SORCS2: variants seen among roughly 807,000 people sequenced by gnomAD.
SORCS2 encodes sortilin related VPS10 domain containing receptor 2.
Under a neutral mutation model 141.6 loss-of-function variants are expected in SORCS2, and 100 were observed. The ratio of observed to expected loss-of-function variants is 0.71; its 90% CI spans 0.60 to 0.83. The LOEUF is 0.83. Among genes scored for constraint, SORCS2 ranks in the 40% least tolerant of loss-of-function variants. The probability of loss-of-function intolerance (pLI) is 0.00; values close to 1 mark genes in which losing one functional copy is unlikely to be tolerated. For missense variants in SORCS2, 1,646 were observed against 1,560.2 expected (o/e 1.05, Z -0.93); for synonymous variants, 789 against 676.9 (o/e 1.17, Z -2.57).
At chr4:7,265,258 C>G (rs188354797) in intron 1 of SORCS2, among the ~76,000 whole-genome samples, 2 of 152,096 alleles carry the variant, frequency 1.3e-5, no homozygotes, top group Non-Finnish European at 2.9e-5. Context: ...TTTGGGAGGC[C>G]GAGGCAGGTG....
intron 3 of SORCS2, among the ~76,000 whole-genome samples, chr4:7,621,663 A>T (rs1424886767): frequency 2.0e-5 from 3 of 152,164 alleles, no homozygotes; most frequent in Non-Finnish European, 4.4e-5. Flanking sequence ...CATATTTTTA[A>T]AACATGAAAA....
At chr4:7,393,547 T>A (rs1043104625) in intron 1 of SORCS2, among the ~76,000 whole-genome samples, 2 of 152,302 alleles carry the variant, frequency 1.3e-5, no homozygotes, top group Admixed American at 1.3e-4. Flanking sequence ...CTCTGCCGCT[T>A]GCTGAGTGTG....
intron 3 of SORCS2, among the ~76,000 whole-genome samples, chr4:7,557,123 A>C (rs1714191796): frequency 6.6e-6 from 1 of 152,192 alleles, no homozygotes; most frequent in South Asian, 2.1e-4. Context: ...CAAGGAGGGC[A>C]GTTGTTGTCA....
intron 1 of SORCS2, among the ~76,000 whole-genome samples, chr4:7,282,754 C>T (rs567659389): frequency 6.6e-6 from 1 of 152,134 alleles, no homozygotes; most frequent in Non-Finnish European, 1.5e-5. Context: ...GATAGTCTCA[C>T]CGCGAGGCTC....
At position 7,355,311 on chromosome 4, in the gene SORCS2, G is replaced by A. The variant is rs556519436; in HGVS notation, c.481-40977G>A. Among the ~76,000 whole-genome samples, 5 of 152,166 alleles carry A rather than the reference G, an allele frequency of 3.3e-5. No homozygotes were observed. The East Asian group carries it at 5.8e-4, about 18-fold the overall frequency. Reference sequence around the variant, plus strand: ...TGGCATCCCACCCCGCCCCACCATCGCACAGATCTCTCTGGCTTGAGACAA... The same window carrying A: ...TGGCATCCCACCCCGCCCCACCATCACACAGATCTCTCTGGCTTGAGACAA... On this transcript the variant is annotated intron_variant, in intron 1 of 26. Transcript: ENST00000507866.
At chr4:7,563,425 G>A (rs1177247528) in intron 3 of SORCS2, among the ~76,000 whole-genome samples, 1 of 152,144 alleles carries the variant, frequency 6.6e-6, no homozygotes, top group Admixed American at 6.5e-5. Flanking sequence ...TAGTGCAACA[G>A]CCATCTCTCT....
intron 2 of SORCS2, among the ~76,000 whole-genome samples, chr4:7,510,892 T>A (rs760981356): frequency 1.3e-5 from 2 of 152,174 alleles, no homozygotes; most frequent in Non-Finnish European, 2.9e-5. Flanking sequence ...CTTCACACTT[T>A]CCTCCTTTCT....
chr4:7,264,802 G>A (rs1714610684), intron 1 of SORCS2, among the ~76,000 whole-genome samples: 1 of 152,186 alleles, frequency 6.6e-6, no homozygotes, highest in Non-Finnish European at 1.5e-5. Flanking sequence ...CCCTGAGGGT[G>A]CAGGGGAGAT....
intron 1 of SORCS2, among the ~76,000 whole-genome samples, chr4:7,312,067 G>A (rs544069381): frequency 5.3e-5 from 8 of 152,152 alleles, no homozygotes; most frequent in South Asian, 4.2e-4. Context: ...AGTAGAGATG[G>A]AGTTTCACCA....
At chr4:7,422,769 C>A (rs984805741) in intron 2 of SORCS2, among the ~76,000 whole-genome samples, 3 of 152,190 alleles carry the variant, frequency 2.0e-5, no homozygotes, top group African/African-American at 7.2e-5. Context: ...GGTCTCCCTG[C>A]GCCTGCCCTT....
rs191379106 is a variant in SORCS2, at chr4:7,208,257, C to T, written c.480+15131C>T. On this transcript the variant is annotated intron_variant, in intron 1 of 26. Coordinates refer to ENST00000507866, the MANE Select transcript of SORCS2 (RefSeq NM_020777.3). ...GGGCAGGTGGGGGTTAGAGACCGTCCACGGGGCATGTCGGGACTGAACTCG... is the reference window on the plus strand; with the variant it reads ...GGGCAGGTGGGGGTTAGAGACCGTCTACGGGGCATGTCGGGACTGAACTCG... Among the ~76,000 whole-genome samples the T allele has an allele frequency of 4.0e-3, 607 of 152,250 alleles. 8 individuals carry two copies. The highest frequency in any genetic ancestry group is 0.014 in the African/African-American group (582 of 41,520).
intron 1 of SORCS2, among the ~76,000 whole-genome samples, chr4:7,359,952 A>G (rs1159072427): frequency 6.6e-6 from 1 of 152,198 alleles, no homozygotes; most frequent in East Asian, 1.9e-4. Flanking sequence ...GGAACCCAAC[A>G]GTAATAATAA....
intron 11 of SORCS2, among the ~76,000 whole-genome samples, chr4:7,696,367 A>G (rs1453523728): frequency 1.3e-5 from 2 of 152,142 alleles, no homozygotes; most frequent in Non-Finnish European, 2.9e-5. Flanking sequence ...CCTTTGTTCA[A>G]GCTATTTCAG....
intron 2 of SORCS2, among the ~76,000 whole-genome samples, chr4:7,401,199 A>C (rs1231056475): frequency 1.3e-5 from 2 of 151,760 alleles, no homozygotes; most frequent in Non-Finnish European, 2.9e-5. Context: ...GAATAGATGG[A>C]TATATGGATG....
At chr4:7,496,976 A>T (rs1441046994) in intron 2 of SORCS2, among the ~76,000 whole-genome samples, 1 of 152,224 alleles carries the variant, frequency 6.6e-6, no homozygotes, top group African/African-American at 2.4e-5. Context: ...GTAGGAGGGC[A>T]GGATGAAGCT....
chr4:7,199,152 G>A (rs1225746693), intron 1 of SORCS2, among the ~76,000 whole-genome samples: 2 of 152,330 alleles, frequency 1.3e-5, no homozygotes, highest in East Asian at 1.9e-4. Flanking sequence ...CCCTAGTTTC[G>A]TCATCGTGTT....
chr4:7,223,361 A>T (rs1728823940), intron 1 of SORCS2, among the ~76,000 whole-genome samples: 1 of 152,092 alleles, frequency 6.6e-6, no homozygotes, highest in South Asian at 2.1e-4. Flanking sequence ...ACCTAATGTT[A>T]TATTGTATGC....
chr4:7,408,625 A>G (rs759279948), intron 2 of SORCS2, among the ~76,000 whole-genome samples: 48 of 152,122 alleles, frequency 3.2e-4, no homozygotes, highest in Non-Finnish European at 5.7e-4. Context: ...ACCTTCCTGT[A>G]CCTGGATATT....
chr4:7,726,609 C>G (rs1727235540), intron 20 of SORCS2, among the ~76,000 whole-genome samples, 171 bp from the exon 21 acceptor site: 1 of 152,126 alleles, frequency 6.6e-6, no homozygotes, highest in South Asian at 2.1e-4. Context: ...ACCGGCTGCC[C>G]GCCCCATGCC....
Sources: allele counts gnomAD v4.1 joint callset (sites outside exome capture counted in the v4.1 genomes callset), GRCh38; gene constraint gnomAD v4.1.1; transcripts MANE v1.5; gene names NCBI Gene and HGNC (gene_info 2026-07-23, HGNC 2026-07-21).